Variants in SEC31A observed in about 807,000 individuals in gnomAD.
SEC31A encodes SEC31 homolog A, COPII component, also known as protein transport protein Sec31A.
Under a neutral mutation model 151.0 loss-of-function variants are expected in SEC31A, and 70 were observed. The ratio of observed to expected loss-of-function variants is 0.46; its 90% confidence interval spans 0.38 to 0.57. The LOEUF is 0.57. SEC31A is among the 20% of genes least tolerant of loss of function. The pLI is 0.00. For missense variants in SEC31A, 1,330 were observed against 1,471.2 expected, an observed-to-expected ratio of 0.90 and a Z score of 1.57; for synonymous variants, 475 against 505.9, an observed-to-expected ratio of 0.94 and a Z score of 0.82.
intron 18 of SEC31A, 105 bp from the exon 19 acceptor site, chr4:82,851,709 T>G (rs1020792330): frequency 3.3e-6 from 3 of 911,010 alleles, no homozygotes; most frequent in Non-Finnish European, 3.3e-6. Flanking sequence ...ACTAAAAATA[T>G]AGTACCTGTT....
chr4:82,865,838 G>T lies in SEC31A; in HGVS notation c.1197+970C>A, dbSNP rs2149530904. 2.0e-5 allele frequency among the ~76,000 whole-genome samples: 3 copies of T among 152,144 alleles called. No individual in the cohort carries two copies. The South Asian group carries it at 6.2e-4, about 32-fold the overall frequency. ...ACAGAGTTTCAGTTTTGCAAGATGA[G>T]AAAGTTCTAGAGATCTGTTGCACAA... On this transcript the variant is annotated intron_variant, in intron 10 of 26. Coordinates refer to ENST00000395310, the MANE Select transcript of SEC31A (RefSeq NM_001077207.4).
intron 22 of SEC31A, among the ~76,000 whole-genome samples, chr4:82,833,664 G>T (rs1269413098): frequency 6.6e-6 from 1 of 152,072 alleles, no homozygotes; most frequent in African/African-American, 2.4e-5. Context: ...AATCCCAATT[G>T]TCAAATACTT....
intron 22 of SEC31A, among the ~76,000 whole-genome samples, chr4:82,832,246 T>C (rs1273976686): frequency 6.6e-6 from 1 of 152,040 alleles, no homozygotes; most frequent in Admixed American, 6.6e-5. Flanking sequence ...GCCTCAGAAA[T>C]ACCACCACAC....
intron 20 of SEC31A, chr4:82,845,315 C>A: frequency 3.9e-6 from 5 of 1,272,740 alleles, no homozygotes; most frequent in South Asian, 1.6e-5. Context: ...AAAGAAATAC[C>A]AATCACAGAA....
At chr4:82,828,800 A>C (rs1725240669) in intron 23 of SEC31A, among the ~76,000 whole-genome samples, 200 bp downstream of exon 23, 1 of 151,978 alleles carries the variant, frequency 6.6e-6, no homozygotes, top group South Asian at 2.1e-4. Context: ...CACCATCATC[A>C]GAACAAGGTT....
chr4:82,839,634 A>G (rs1728286862), intron 22 of SEC31A, among the ~76,000 whole-genome samples: 1 of 152,246 alleles, frequency 6.6e-6, no homozygotes, highest in Non-Finnish European at 1.5e-5. Context: ...TAGGAAATCC[A>G]AAAAGAAAAT....
chr4:82,878,480 G>C (rs28432716), intron 4 of SEC31A, among the ~76,000 whole-genome samples: 112,651 of 151,930 alleles, frequency 0.74, 42,138 homozygotes, highest in Admixed American at 0.79. Context: ...GTGACAGAGC[G>C]AGACTCCGTC....
At chr4:82,879,394 ACTAACAAGTGGTCT>A (rs1317107514) in intron 3 of SEC31A, among the ~76,000 whole-genome samples, 3 of 150,368 alleles carry the variant, frequency 2.0e-5, no homozygotes, top group Non-Finnish European at 3.0e-5. Flanking sequence ...AGGGGGGGTC[ACTAACAAGTGGTCT>A]GTTAAATAGT....
intron 12 of SEC31A, 32 bp downstream of exon 12, chr4:82,863,286 G>T: frequency 8.5e-7 from 1 of 1,178,602 alleles, no homozygotes; most frequent in South Asian, 1.3e-5. Flanking sequence ...GATTCATAAA[G>T]AGCATGCCAT....
At chr4:82,883,326 A>T (rs547619314) in intron 1 of SEC31A, among the ~76,000 whole-genome samples, 1 of 152,330 alleles carries the variant, frequency 6.6e-6, no homozygotes, top group South Asian at 2.1e-4. Context: ...GGTCATCTGC[A>T]CGTTATTTCA....
chr4:82,853,984 G>C (rs1732016679), intron 17 of SEC31A, among the ~76,000 whole-genome samples: 1 of 152,026 alleles, frequency 6.6e-6, no homozygotes, highest in Non-Finnish European at 1.5e-5. Context: ...CAATAAATGG[G>C]AACAACATTT....
intron 22 of SEC31A, among the ~76,000 whole-genome samples, chr4:82,836,310 T>A (rs775473440): frequency 2.0e-5 from 3 of 147,268 alleles, no homozygotes; most frequent in Admixed American, 6.8e-5. Context: ...GAGGCGGAGG[T>A]TGCAGTGAGC....
chr4:82,871,915 T>C (rs1736767625), intron 7 of SEC31A, 29 bp downstream of exon 7: 1 of 1,613,612 alleles, frequency 6.2e-7, no homozygotes, highest in Non-Finnish European at 8.5e-7. Context: ...AATAAACAAA[T>C]CAAGTTCTTT....
upstream of SEC31A, chr4:82,891,227 G>C: frequency 6.7e-7 from 1 of 1,487,190 alleles, no homozygotes; most frequent in Non-Finnish European, 9.0e-7. Context: ...CCGCAGCCAC[G>C]CCCTGCGCCC....
At chr4:82,885,164 C>T (rs780670955) in intron 1 of SEC31A, among the ~76,000 whole-genome samples, 6 of 152,032 alleles carry the variant, frequency 3.9e-5, no homozygotes, top group Non-Finnish European at 7.4e-5. Context: ...TCATTACAAA[C>T]AAAATAACAA....
chr4:82,848,700 T>C, intron 20 of SEC31A, 104 bp downstream of exon 20: 1 of 880,368 alleles, frequency 1.1e-6, no homozygotes, highest in Non-Finnish European at 1.7e-6. Context: ...ATATATTGTC[T>C]AGTTTTACCA....
upstream of SEC31A, chr4:82,894,030 A>G (rs1464081840): frequency 1.3e-5 from 2 of 152,290 alleles, no homozygotes; most frequent in African/African-American, 4.8e-5. Flanking sequence ...GCCTTGTTTG[A>G]TGAGAGGGAT....
At chr4:82,865,766 C>T (rs1042451733) in intron 10 of SEC31A, among the ~76,000 whole-genome samples, 2 of 151,782 alleles carry the variant, frequency 1.3e-5, no homozygotes, top group Non-Finnish European at 2.9e-5. Context: ...AATGTGGTTA[C>T]CAGGGATTCA....
At chr4:82,844,656 CT>C (rs1729669782) in intron 20 of SEC31A, 147 bp from the exon 21 acceptor site, 1 of 787,294 alleles carries the variant, frequency 1.3e-6, no homozygotes, top group Middle Eastern at 2.8e-4. Context: ...CATATTCTAT[CT>C]TCCTCATAAT....
Sources: allele counts gnomAD v4.1 joint callset (sites outside exome capture counted in the v4.1 genomes callset), GRCh38; gene constraint gnomAD v4.1.1; transcripts MANE v1.5; gene names NCBI Gene and HGNC (gene_info 2026-07-23, HGNC 2026-07-21).